The following TRAPPC9 variants were observed in gnomAD, a reference collection of about 807,000 sequenced individuals.
The protein encoded by TRAPPC9 is IKK2 binding protein.
In TRAPPC9, 83 loss-of-function variants were observed where a neutral mutation model predicts 124.0. The observed-to-expected ratio is 0.67, with a 90% CI of 0.56 to 0.80. The LOEUF (loss-of-function observed/expected upper bound fraction) is 0.80. Among genes scored for constraint, TRAPPC9 ranks in the 30% least tolerant of loss-of-function variants. The probability of loss-of-function intolerance (pLI) is 0.00; values close to 1 mark genes in which losing one functional copy is unlikely to be tolerated. For missense variants in TRAPPC9, 1,302 were observed against 1,508.3 expected (o/e 0.86, Z 2.27); for synonymous variants, 638 against 617.5 (o/e 1.03, Z -0.49).
chr8:139,986,784 T>C (rs1034028655), intron 19 of TRAPPC9, among the ~76,000 whole-genome samples: 6 of 152,222 alleles, frequency 3.9e-5, no homozygotes, highest in East Asian at 1.9e-4. Context: ...AATAGATACA[T>C]GTGTGTAACC....
intron 21 of TRAPPC9, among the ~76,000 whole-genome samples, chr8:139,736,140 C>A (rs1476190549): frequency 6.6e-6 from 1 of 152,152 alleles, no homozygotes; most frequent in Non-Finnish European, 1.5e-5. Flanking sequence ...CCAGCCAGAG[C>A]GAGCACTCCT....
chr8:139,806,517 G>A (rs551534016), intron 21 of TRAPPC9, among the ~76,000 whole-genome samples: 96 of 152,354 alleles, frequency 6.3e-4, no homozygotes, highest in Non-Finnish European at 1.2e-3. Flanking sequence ...GATTAAGAGT[G>A]GAGCAGAAGT....
intron 9 of TRAPPC9, among the ~76,000 whole-genome samples, chr8:140,342,462 T>C (rs931681090): frequency 1.3e-5 from 2 of 152,228 alleles, no homozygotes; most frequent in Admixed American, 6.5e-5. Context: ...TATTTATCTC[T>C]TCAACATACA....
At chr8:139,826,273 C>T (rs1010463599) in intron 21 of TRAPPC9, among the ~76,000 whole-genome samples, 2 of 152,104 alleles carry the variant, frequency 1.3e-5, no homozygotes, top group East Asian at 1.9e-4. Context: ...TGTGACTGAT[C>T]GGAGGGGCGC....
intron 21 of TRAPPC9, among the ~76,000 whole-genome samples, chr8:139,885,653 G>A (rs1427032184): frequency 6.6e-6 from 1 of 152,224 alleles, no homozygotes; most frequent in Non-Finnish European, 1.5e-5. Flanking sequence ...TGTCTGCACT[G>A]TCACCGGAGT....
At chr8:140,386,328 G>A (rs1285186958) in intron 7 of TRAPPC9, among the ~76,000 whole-genome samples, 1 of 152,154 alleles carries the variant, frequency 6.6e-6, no homozygotes, top group Non-Finnish European at 1.5e-5. Context: ...CAAACGGGCA[G>A]GAGAAAGAAA....
At chr8:140,110,939 TCCCCCTGCAGTAGCTC>T (rs1478452097) in intron 17 of TRAPPC9, among the ~76,000 whole-genome samples, 1 of 38,556 alleles carries the variant, frequency 2.6e-5, no homozygotes, top group African/African-American at 1.1e-4. Flanking sequence ...CCCCCAAAGC[TCCCCCTGCAGTAGCTC>T]CCCCCTGCAG....
At chr8:140,017,140 G>T (rs991126674) in intron 18 of TRAPPC9, among the ~76,000 whole-genome samples, 2 of 152,112 alleles carry the variant, frequency 1.3e-5, no homozygotes, top group Non-Finnish European at 2.9e-5. Context: ...TCATCAATAA[G>T]ATACAAGACG....
intron 8 of TRAPPC9, among the ~76,000 whole-genome samples, chr8:140,360,440 T>C (rs574079315): frequency 1.3e-5 from 2 of 152,284 alleles, no homozygotes; most frequent in South Asian, 4.1e-4. Context: ...TGATTTGATT[T>C]CAAAAATAGC....
At chr8:139,894,561 A>AG (rs138961172) in intron 20 of TRAPPC9, among the ~76,000 whole-genome samples, 33 of 151,456 alleles carry the variant, frequency 2.2e-4, no homozygotes, top group East Asian at 5.8e-4. Flanking sequence ...CAGCGGAGGG[A>AG]GGGGGGGGCT....
chr8:140,260,594 A>C (rs1393479458), intron 15 of TRAPPC9, among the ~76,000 whole-genome samples: 1 of 152,240 alleles, frequency 6.6e-6, no homozygotes, highest in Admixed American at 6.5e-5. Flanking sequence ...ACCTGTGCTA[A>C]CATAGCATGG....
intron 10 of TRAPPC9, among the ~76,000 whole-genome samples, chr8:140,301,818 C>T (rs951047704): frequency 2.6e-5 from 4 of 152,072 alleles, no homozygotes; most frequent in African/African-American, 7.2e-5. Context: ...CCAGCTCTCT[C>T]CTTCGGCTGC....
At chr8:140,333,012 G>C (rs1351124519) in intron 9 of TRAPPC9, among the ~76,000 whole-genome samples, 1 of 151,998 alleles carries the variant, frequency 6.6e-6, no homozygotes, top group Non-Finnish European at 1.5e-5. Flanking sequence ...AGTAGTCCCA[G>C]CTACTCCAGA....
At chr8:139,877,807 G>T (rs1036225998) in intron 21 of TRAPPC9, among the ~76,000 whole-genome samples, 5 of 152,146 alleles carry the variant, frequency 3.3e-5, no homozygotes, top group Non-Finnish European at 5.9e-5. Flanking sequence ...CCTCCACTAA[G>T]TATCTTCACT....
At chr8:140,130,318 G>C (rs185729326) in intron 17 of TRAPPC9, among the ~76,000 whole-genome samples, 1 of 152,192 alleles carries the variant, frequency 6.6e-6, no homozygotes, top group Non-Finnish European at 1.5e-5. Flanking sequence ...CTTCACAGTG[G>C]AGAGGCCGGG....
intron 19 of TRAPPC9, among the ~76,000 whole-genome samples, chr8:139,973,154 C>T (rs1353288342): frequency 2.0e-5 from 3 of 152,340 alleles, no homozygotes; most frequent in Non-Finnish European, 4.4e-5. Context: ...CATAGACAAA[C>T]GTTTAGCAAG....
upstream of TRAPPC9, among the ~76,000 whole-genome samples, chr8:140,458,050 G>A (rs1299389189): frequency 2.5e-5 from 3 of 118,782 alleles, no homozygotes; most frequent in South Asian, 2.6e-4. Context: ...AAGGAGGGAG[G>A]GGCAGCGAGA....
intron 9 of TRAPPC9, among the ~76,000 whole-genome samples, chr8:140,345,524 C>T (rs2067320163): frequency 6.6e-6 from 1 of 152,196 alleles, no homozygotes; most frequent in African/African-American, 2.4e-5. Flanking sequence ...AAAAAAAGGG[C>T]TGGTTCTCAT....
chr8:139,778,307 G>T (rs1055636008), intron 21 of TRAPPC9, among the ~76,000 whole-genome samples: 1 of 152,110 alleles, frequency 6.6e-6, no homozygotes, highest in Non-Finnish European at 1.5e-5. Flanking sequence ...AAACCCAAAA[G>T]GATATAACTG....
Sources: allele counts gnomAD v4.1 joint callset (sites outside exome capture counted in the v4.1 genomes callset), GRCh38; gene constraint gnomAD v4.1.1; transcripts MANE v1.5; gene names NCBI Gene and HGNC (gene_info 2026-07-23, HGNC 2026-07-21).